ZNF280D: variants seen among roughly 807,000 people sequenced by gnomAD.
ZNF280D encodes suppressor of hairy wing homolog 4.
ZNF280D carries 39 observed loss-of-function variants against 94.7 expected under a neutral mutation model. The ratio of observed to expected loss-of-function variants is 0.41; its 90% CI spans 0.32 to 0.54. The LOEUF (loss-of-function observed/expected upper bound fraction) is 0.54, where lower values mean the gene tolerates loss of function less well. Among genes scored for constraint, ZNF280D ranks in the 20% least tolerant of loss-of-function variants. The pLI is 0.22. For missense variants in ZNF280D, 1,090 were observed against 1,149.3 expected, an observed-to-expected ratio of 0.95 and a Z score of 0.75; for synonymous variants, 398 against 377.6, an observed-to-expected ratio of 1.05 and a Z score of -0.63.
intron 1 of ZNF280D, among the ~76,000 whole-genome samples, chr15:56,722,841 A>G (rs543539650): frequency 6.6e-6 from 1 of 152,008 alleles, no homozygotes; most frequent in South Asian, 2.1e-4. Flanking sequence ...ATGTCCAACA[A>G]TGATAGACTG....
Position 56,666,803 on chromosome 15 carries a change from T to A in ZNF280D, c.1729A>T (p.Thr577Ser). The change falls in exon 15 of 22, where the codon ACA becomes TCA. Residue 577 changes from threonine (T) to serine (S), a missense_variant. Thr to Ser is a moderately conservative substitution (Grantham distance 58). This residue lies in a region of ZNF280D where 577 missense variants were observed against 568.8 expected (regional missense o/e 1.01). Coordinates refer to ENST00000267807, the MANE Select transcript of ZNF280D (RefSeq NM_017661.4). ...TVKSNASKPN[T>S]SKPNGSKSKY... ...GATTTACTTCCATTAGGCTTACTTG[T>A]ATTAGGTTTACTTGCGTTGGATTTG... The A allele has an allele frequency of 4.3e-6, 7 of 1,613,908 alleles. No individual in the cohort carries two copies. Among genetic ancestry groups the A allele is most frequent in the Non-Finnish European group, 5.9e-6 (7 of 1,179,888 alleles).
chr15:56,642,118 C>A (rs1165604621), intron 20 of ZNF280D, among the ~76,000 whole-genome samples: 3 of 151,398 alleles, frequency 2.0e-5, no homozygotes, highest in Admixed American at 2.0e-4. Flanking sequence ...GTAAAATGAA[C>A]CCATTCCTCA....
At chr15:56,705,523 T>C (rs779602845) in intron 3 of ZNF280D, among the ~76,000 whole-genome samples, 4 of 152,266 alleles carry the variant, frequency 2.6e-5, no homozygotes, top group Non-Finnish European at 5.9e-5. Flanking sequence ...ATTTTCCTCA[T>C]CTATAACACA....
chr15:56,705,558 T>C (rs2057354450), intron 3 of ZNF280D, among the ~76,000 whole-genome samples: 1 of 152,204 alleles, frequency 6.6e-6, no homozygotes, highest in Admixed American at 6.5e-5. Flanking sequence ...CTAATACAAG[T>C]ATTACATAGA....
intron 9 of ZNF280D, among the ~76,000 whole-genome samples, chr15:56,686,592 A>C (rs2056032126): frequency 6.6e-6 from 1 of 152,244 alleles, no homozygotes; most frequent in South Asian, 2.1e-4. Flanking sequence ...AAGTGGACTA[A>C]ATGGAAGTGA....
intron 19 of ZNF280D, chr15:56,653,077 G>T: frequency 1.0e-6 from 1 of 982,836 alleles, no homozygotes; most frequent in South Asian, 4.7e-5. Flanking sequence ...ATTAATACTG[G>T]TTAATAGATT....
intron 16 of ZNF280D, among the ~76,000 whole-genome samples, chr15:56,663,281 CA>C (rs59183252): frequency 0.09 from 9,212 of 102,324 alleles, 324 homozygotes; most frequent in South Asian, 0.21. Context: ...GACCCTTTCT[CA>C]AAAAAAAAAA....
intron 1 of ZNF280D, among the ~76,000 whole-genome samples, chr15:56,715,898 C>G (rs1271653921): frequency 1.3e-5 from 2 of 152,000 alleles, no homozygotes; most frequent in Admixed American, 6.6e-5. Context: ...AACCAATAAA[C>G]AGTAACAAAA....
chr15:56,658,082 A>T (rs1269594677), intron 17 of ZNF280D, among the ~76,000 whole-genome samples: 1 of 152,176 alleles, frequency 6.6e-6, no homozygotes, highest in Non-Finnish European at 1.5e-5. Flanking sequence ...TGCTAAATGA[A>T]AGAAGCCACA....
chr15:56,713,810 T>C (rs1165511257), intron 1 of ZNF280D, among the ~76,000 whole-genome samples: 1 of 152,164 alleles, frequency 6.6e-6, no homozygotes, highest in Non-Finnish European at 1.5e-5. Flanking sequence ...GTACATCCCC[T>C]TACTATCCAT....
chr15:56,642,202 G>T (rs148782429), intron 20 of ZNF280D, among the ~76,000 whole-genome samples: 2 of 151,818 alleles, frequency 1.3e-5, no homozygotes, highest in East Asian at 3.9e-4. Flanking sequence ...ATCTGTTAAA[G>T]AAATTTGTAG....
Position 56,700,965 on chromosome 15 carries a change from T to C in ZNF280D, c.349A>G (p.Ser117Gly), listed in dbSNP as rs2057027537. Residue 117 changes from serine to glycine, a missense_variant, in exon 6 of 22, where the codon AGT becomes GGT. Coordinates refer to ENST00000267807, the MANE Select transcript of ZNF280D (RefSeq NM_017661.4). ...NFHPESRSSD[S>G]SVIVQPFSKP... ...GAAAAAGGCTGAACAATAACAGAAC[T>C]ATCTGAAGATCTAGACTCAGGATGA... 6.2e-7 allele frequency: 1 copy of C among 1,613,818 alleles called. No homozygotes were observed. Among genetic ancestry groups the C allele is most frequent in the Non-Finnish European group, 8.5e-7 (1 of 1,179,852 alleles).
chr15:56,714,756 C>G (rs2057946784), intron 1 of ZNF280D, among the ~76,000 whole-genome samples: 1 of 152,120 alleles, frequency 6.6e-6, no homozygotes, highest in South Asian at 2.1e-4. Flanking sequence ...CAGATGGATT[C>G]CTTGAAGCCA....
chr15:56,719,302 C>A (rs1257084665), intron 1 of ZNF280D, among the ~76,000 whole-genome samples: 2 of 151,370 alleles, frequency 1.3e-5, no homozygotes, highest in African/African-American at 4.9e-5. Context: ...AGTTTTCAGT[C>A]TATTAGTTCC....
At chr15:56,692,503 T>C (rs140422505) in intron 7 of ZNF280D, among the ~76,000 whole-genome samples, 37 of 152,202 alleles carry the variant, frequency 2.4e-4, no homozygotes, top group Non-Finnish European at 5.3e-4. Context: ...TTATTTTAGA[T>C]TAATGAAGAA....
chr15:56,654,329 C>A, intron 18 of ZNF280D, 56 bp downstream of exon 18: 3 of 1,594,012 alleles, frequency 1.9e-6, no homozygotes, highest in South Asian at 1.1e-5. Flanking sequence ...TGTGGATGAC[C>A]AAAAATACTG....
chr15:56,653,093 T>C (rs1464326468), intron 19 of ZNF280D: 1 of 987,424 alleles, frequency 1.0e-6, no homozygotes, highest in African/African-American at 1.7e-5. Context: ...AGATTTTATA[T>C]GTCAGTAAAA....
rs563968290 is a variant in ZNF280D, at chr15:56,715,514, T to C, written c.-85-8208A>G. ...AAGGGCAATATTTATAGCAATGATT[T>C]GAATAAAAGCTATACTGTGTGCAGA... On this transcript the variant is annotated intron_variant, in intron 1 of 21. Coordinates refer to ENST00000267807, the MANE Select transcript of ZNF280D (RefSeq NM_017661.4). Among the ~76,000 whole-genome samples the C allele has an allele frequency of 7.2e-5, 11 of 152,210 alleles. No individual in the cohort carries two copies. The East Asian group carries it at 1.7e-3, about 24-fold the overall frequency.
Position 56,632,137 on chromosome 15 carries a change from C to A in ZNF280D, c.2316-15G>T. ...TATCTTGTTTACTGAAAAATAAAGTCATTTATTATGTATTTCTTCATAAAG... is the reference window on the plus strand; with the variant it reads ...TATCTTGTTTACTGAAAAATAAAGTAATTTATTATGTATTTCTTCATAAAG... On this transcript the variant is annotated splice_polypyrimidine_tract_variant and intron_variant, in intron 21 of 21. Transcript: ENST00000267807. 1.3e-6 allele frequency: 2 copies of A among 1,523,254 alleles called. No individual in the cohort carries two copies. Among genetic ancestry groups the A allele is most frequent in the South Asian group, 2.5e-5 (2 of 79,412 alleles). The allele number at this position is 1,523,254 out of a possible 1,614,324, so 94.4% of individuals were successfully genotyped here.
Sources: gnomAD v4.1 joint callset for allele counts (sites outside exome capture counted in the v4.1 genomes callset) on GRCh38, gnomAD v4.1.1 for gene constraint, gnomAD v4.1.1 regional missense constraint, MANE v1.5 for transcripts, NCBI Gene and HGNC (gene_info 2026-07-23, HGNC 2026-07-21) for gene names.